The following KMT2C variants were observed in gnomAD, a reference collection of about 807,000 sequenced individuals.
The protein encoded by KMT2C is lysine methyltransferase 2C.
KMT2C carries 88 observed loss-of-function variants against 507.9 expected under a neutral mutation model. The ratio of observed to expected loss-of-function variants is 0.17; its 90% CI spans 0.15 to 0.21. KMT2C has a LOEUF of 0.21. KMT2C is among the 10% of genes least tolerant of loss of function. The probability of loss-of-function intolerance (pLI) is 1.00; values close to 1 mark genes in which losing one functional copy is unlikely to be tolerated. For missense variants in KMT2C, 4,954 were observed against 5,957.8 expected, an observed-to-expected ratio of 0.83 and a Z score of 5.55; for synonymous variants, 2,049 against 2,080.8, an observed-to-expected ratio of 0.98 and a Z score of 0.42.
At chr7:152,332,405 CCAAA>C (rs2096892657) in intron 2 of KMT2C, among the ~76,000 whole-genome samples, 1 of 152,158 alleles carries the variant, frequency 6.6e-6, no homozygotes, top group Non-Finnish European at 1.5e-5. Context: ...ATCACTAACC[CCAAA>C]CAAACAAAAA....
At chr7:152,339,739 A>G (rs1294355245) in intron 2 of KMT2C, among the ~76,000 whole-genome samples, 1 of 152,176 alleles carries the variant, frequency 6.6e-6, no homozygotes, top group Non-Finnish European at 1.5e-5. Flanking sequence ...GAAAACAGGC[A>G]CTGTATCTGT....
intron 2 of KMT2C, among the ~76,000 whole-genome samples, chr7:152,346,398 T>C (rs1356890210): frequency 1.2e-4 from 19 of 152,190 alleles, no homozygotes; most frequent in Non-Finnish European, 2.9e-5. Context: ...TCAGATCACG[T>C]CAGAATTCAA....
At chr7:152,147,978 T>C (rs112526178) in intron 52 of KMT2C, 55 bp downstream of exon 52, 3 of 1,481,058 alleles carry the variant, frequency 2.0e-6, no homozygotes, top group African/African-American at 2.8e-5. Flanking sequence ...AATACATTCA[T>C]TAGCCTGACA....
Position 152,181,019 on chromosome 7 carries a change from G to T in KMT2C, c.6841C>A (p.Pro2281Thr). ...TCSQTPRPPGPGLSDTFSRVS... is the reference protein window; with the variant it reads ...TCSQTPRPPGTGLSDTFSRVS... ...CGGCTAAATGTGTCTGAAAGACCAG[G>T]TCCAGGGGGCCTAGGTGTCTGGGAA... Residue 2281 changes from proline to threonine, a missense_variant, in exon 36 of 59, where the codon CCT becomes ACT. Coordinates refer to ENST00000262189, the MANE Select transcript of KMT2C (RefSeq NM_170606.3). 1 of 1,614,206 alleles carries T rather than the reference G, an allele frequency of 6.2e-7. No individual in the cohort carries two copies. The highest frequency in any genetic ancestry group is 2.2e-5 in the East Asian group (1 of 44,874).
chr7:152,416,297 G>C (rs2097734745), intron 1 of KMT2C, among the ~76,000 whole-genome samples: 1 of 152,148 alleles, frequency 6.6e-6, no homozygotes, highest in Non-Finnish European at 1.5e-5. Context: ...TGTAATCCCA[G>C]CACTTTGGGA....
chr7:152,388,305 TC>T (rs2097452090), intron 1 of KMT2C, among the ~76,000 whole-genome samples: 1 of 152,070 alleles, frequency 6.6e-6, no homozygotes, highest in Non-Finnish European at 1.5e-5. Context: ...ACGCCTGTAA[TC>T]CCAACACTTT....
At chr7:152,290,762 C>T (rs909524795) in intron 6 of KMT2C, among the ~76,000 whole-genome samples, 19 of 152,204 alleles carry the variant, frequency 1.2e-4, no homozygotes, top group Admixed American at 8.5e-4. Context: ...CTTGTGCTTT[C>T]ATTCTTATAG....
At chr7:152,281,222 CA>C (rs2096202279) in intron 6 of KMT2C, among the ~76,000 whole-genome samples, 1 of 150,672 alleles carries the variant, frequency 6.6e-6, no homozygotes, top group South Asian at 2.1e-4. Context: ...AAATAACCTC[CA>C]ATTTGAATTA....
chr7:152,361,131 G>C (rs1223843547), intron 1 of KMT2C, among the ~76,000 whole-genome samples: 5 of 152,112 alleles, frequency 3.3e-5, no homozygotes, highest in Non-Finnish European at 7.4e-5. Context: ...CAGGGGGAAA[G>C]GGGAAAGAAG....
intron 2 of KMT2C, 151 bp from the exon 3 acceptor site, chr7:152,330,890 T>C (rs7789818): frequency 0.047 from 32,419 of 683,968 alleles, 2,247 homozygotes; most frequent in African/African-American, 0.24. Context: ...TGCACGTAAT[T>C]AGTGGTATTG....
In KMT2C at chr7:152,379,479, A is replaced by G. The variant is rs192624534; in HGVS notation, c.162-20804T>C. Reference sequence around the variant, plus strand: ...CCTGAACCCAGAAGGTGGAGGTTGCAGTGAGCCGAGATCATGCCACTGCAC... The same window carrying G: ...CCTGAACCCAGAAGGTGGAGGTTGCGGTGAGCCGAGATCATGCCACTGCAC... On this transcript the variant is annotated intron_variant, in intron 1 of 58. Coordinates refer to ENST00000262189, the MANE Select transcript of KMT2C (RefSeq NM_170606.3). 7.2e-3 allele frequency among the ~76,000 whole-genome samples: 1,087 copies of G among 151,982 alleles called. 11 individuals carry two copies. Among genetic ancestry groups the G allele is most frequent in the Middle Eastern group, 0.034 (10 of 294 alleles).
intron 1 of KMT2C, chr7:152,368,147 A>G: frequency 1.1e-6 from 1 of 926,050 alleles, no homozygotes; most frequent in Non-Finnish European, 1.8e-6. Context: ...AAAGGAAGGC[A>G]GTATCCTTGG....
intron 6 of KMT2C, among the ~76,000 whole-genome samples, chr7:152,293,264 G>GA (rs1235085741): frequency 5.3e-5 from 8 of 152,096 alleles, no homozygotes; most frequent in East Asian, 1.9e-4. Context: ...GTCCATGTGT[G>GA]AAAAAATGAT....
chr7:152,200,181 G>T (rs1375986416), intron 26 of KMT2C, among the ~76,000 whole-genome samples: 2 of 152,030 alleles, frequency 1.3e-5, no homozygotes, highest in Non-Finnish European at 1.5e-5. Context: ...CCTCCATACA[G>T]GACAATTTTG....
chr7:152,418,044 G>T (rs57953634), intron 1 of KMT2C, among the ~76,000 whole-genome samples: 2 of 150,206 alleles, frequency 1.3e-5, no homozygotes, highest in African/African-American at 4.9e-5. Flanking sequence ...CCTTTGCCTC[G>T]ATACTCCTTC....
At position 152,158,848 on chromosome 7, in the gene KMT2C, A is replaced by G. The variant is rs770157334; in HGVS notation, c.11670+15T>C. The G allele has an allele frequency of 1.3e-5, 21 of 1,611,472 alleles. No individual in the cohort carries two copies. Among genetic ancestry groups the G allele is most frequent in the Non-Finnish European group, 1.7e-5 (20 of 1,177,688 alleles). ...TGACTTTTAAAAGAGGCTGCTCTAAATGACTCACCCTCACCTGTTTCAAGT... is the reference window on the plus strand; with the variant it reads ...TGACTTTTAAAAGAGGCTGCTCTAAGTGACTCACCCTCACCTGTTTCAAGT... On this transcript the variant is annotated intron_variant, in intron 44 of 58. Coordinates refer to ENST00000262189, the MANE Select transcript of KMT2C (RefSeq NM_170606.3).
At chr7:152,259,444 GCGCA>G (rs1554587540) in intron 9 of KMT2C, among the ~76,000 whole-genome samples, 28 of 85,428 alleles carry the variant, frequency 3.3e-4, no homozygotes, top group Admixed American at 1.1e-3. Flanking sequence ...ACACACACAC[GCGCA>G]CACACACACA....
At chr7:152,194,149 A>G in intron 30 of KMT2C, 21 bp from the exon 31 acceptor site, 1 of 1,566,482 alleles carries the variant, frequency 6.4e-7, no homozygotes, top group Non-Finnish European at 8.6e-7. Context: ...AAACAATAAT[A>G]GTAACAAGAT....
chr7:152,297,569 G>GGAAC (rs1325591469), intron 6 of KMT2C, among the ~76,000 whole-genome samples: 1 of 152,154 alleles, frequency 6.6e-6, no homozygotes, highest in East Asian at 1.9e-4. Context: ...ATTAATTCAT[G>GGAAC]GAACATTCAA....
Sources: allele counts gnomAD v4.1 joint callset (sites outside exome capture counted in the v4.1 genomes callset), GRCh38; gene constraint gnomAD v4.1.1; transcripts MANE v1.5; gene names NCBI Gene and HGNC (gene_info 2026-07-23, HGNC 2026-07-21).